COG6: variants seen among roughly 807,000 people sequenced by gnomAD.
COG6 encodes the protein conserved oligomeric Golgi complex subunit 6.
COG6 carries 74 observed loss-of-function variants against 88.8 expected under a neutral mutation model. The ratio of observed to expected loss-of-function variants is 0.83; its 90% CI spans 0.69 to 1.01. COG6 has a LOEUF of 1.01. Ranked by LOEUF, COG6 falls within the 50% of genes least tolerant of loss-of-function variation. The pLI is 0.00. For synonymous variants in COG6, 286 were observed against 278.7 expected, an observed-to-expected ratio of 1.03 and a Z score of -0.26; for missense variants, 800 against 797.9, an observed-to-expected ratio of 1.00 and a Z score of -0.03.
At position 39,760,256 on chromosome 13, in the gene COG6, G is replaced by A. The variant is rs556011596; in HGVS notation, c.1827-28079G>A. ...AGCTGGCCATTGTTGTGCTAGCTGG[G>A]CCTCCAGTGGAATGTAAAATGATAA... On this transcript the variant is annotated intron_variant, in intron 18 of 18. Transcript: ENST00000416691. Among the ~76,000 whole-genome samples, 11 of 152,190 alleles carry A rather than the reference G, an allele frequency of 7.2e-5. No individual in the cohort carries two copies. The South Asian group carries it at 2.3e-3, about 32-fold the overall frequency.
chr13:39,663,140 T>C lies in COG6; in HGVS notation c.370-1956T>C, dbSNP rs563136633. Among the ~76,000 whole-genome samples, 757 of 152,050 alleles carry C rather than the reference T, an allele frequency of 5.0e-3. 3 individuals carry two copies. Among genetic ancestry groups the C allele is most frequent in the Non-Finnish European group, 8.6e-3 (587 of 67,930 alleles). ...TTTATTATTAACTCAAAAATAATCA[T>C]CTTTAACATTTAAGATAAATGGAGA... On this transcript the variant is annotated intron_variant, in intron 3 of 18. Coordinates refer to ENST00000455146, the MANE Select transcript of COG6 (RefSeq NM_020751.3).
rs1593452370 is a variant in COG6, at chr13:39,723,416, T to C, written c.1668T>C (p.Thr556=). Residue 556 remains threonine (T), a synonymous_variant, in exon 16 of 19, where the codon ACT becomes ACC. Transcript: ENST00000455146. Reference sequence around the variant, plus strand: ...TAGGCTTGAGTTACATCTATAACACTGTACAGCAACATAAACCTGAACAGG... The same window carrying C: ...TAGGCTTGAGTTACATCTATAACACCGTACAGCAACATAAACCTGAACAGG... ...TRVGLSYIYN[T]VQQHKPEQGS... is the part of the protein sequence containing the mutation. 3.7e-6 allele frequency: 6 copies of C among 1,604,842 alleles called. No homozygotes were observed. Among genetic ancestry groups the C allele is most frequent in the Non-Finnish European group, 5.1e-6 (6 of 1,171,886 alleles).
intron 16 of COG6, 48 bp from the exon 17 acceptor site, chr13:39,724,460 T>C: frequency 7.2e-7 from 1 of 1,389,710 alleles, no homozygotes; most frequent in Non-Finnish European, 1.0e-6. Flanking sequence ...AATGTATATC[T>C]CCTTTTTTAC....
intron 18 of COG6, among the ~76,000 whole-genome samples, chr13:39,777,624 A>G (rs1437333410): frequency 6.6e-6 from 1 of 152,198 alleles, no homozygotes; most frequent in Admixed American, 6.5e-5. Context: ...AGAGACTGGC[A>G]TCTTTCCTGG....
chr13:39,733,472 A>ATTTTG (rs1879568961), intron 18 of COG6, among the ~76,000 whole-genome samples: 1 of 152,042 alleles, frequency 6.6e-6, no homozygotes, highest in South Asian at 2.1e-4. Context: ...TACAGGTGTG[A>ATTTTG]GCCACTGTGC....
downstream of COG6, among the ~76,000 whole-genome samples, chr13:39,753,185 A>G (rs1196403150): frequency 2.0e-5 from 3 of 152,160 alleles, no homozygotes; most frequent in Non-Finnish European, 4.4e-5. Context: ...AGAGGTGATT[A>G]GATTGTCAGG....
In COG6 at chr13:39,724,509, G is replaced by A. The variant is rs746357800; in HGVS notation, c.1694G>A (p.Gly565Asp). 3.2e-6 allele frequency: 5 copies of A among 1,548,354 alleles called. No homozygotes were observed. The South Asian group carries it at 4.6e-5, about 14-fold the overall frequency. Reference protein sequence around the residue: ...NTVQQHKPEQGSLANMPNLDS... With the variant: ...NTVQQHKPEQDSLANMPNLDS... The stretch of plus-strand genomic sequence containing the variant: ...TTTTTTTTTTTTTTTTTTAAATAGG[G>A]CTCTTTAGCTAATATGCCCAACCTA... The change falls in exon 17 of 19, where the codon GGC (glycine) becomes GAC (aspartate). Residue 565 changes from glycine (G) to aspartate (D), a missense_variant and splice_region_variant. Gly to Asp is a moderately conservative substitution (Grantham distance 94, BLOSUM62 -1). Coordinates refer to ENST00000455146, the MANE Select transcript of COG6 (RefSeq NM_020751.3).
At chr13:39,785,070 A>G (rs995320526) in intron 18 of COG6, among the ~76,000 whole-genome samples, 5 of 152,224 alleles carry the variant, frequency 3.3e-5, no homozygotes, top group African/African-American at 1.2e-4. Flanking sequence ...CCTTGTGGCT[A>G]TGGCATAGTC....
intron 18 of COG6, among the ~76,000 whole-genome samples, chr13:39,765,927 T>C (rs1348344015): frequency 6.6e-6 from 1 of 152,220 alleles, no homozygotes; most frequent in African/African-American, 2.4e-5. Flanking sequence ...GCCAAAACCA[T>C]TAAGGCTCAA....
At chr13:39,774,920 G>A (rs1167924088) in intron 18 of COG6, among the ~76,000 whole-genome samples, 1 of 152,134 alleles carries the variant, frequency 6.6e-6, no homozygotes, top group East Asian at 1.9e-4. Context: ...CAAAATCAGT[G>A]TGATTGTATT....
At chr13:39,719,107 A>G (rs1878699307) in intron 13 of COG6, 129 bp from the exon 14 acceptor site, 2 of 857,070 alleles carry the variant, frequency 2.3e-6, no homozygotes, top group Admixed American at 2.0e-5. Flanking sequence ...CTATTGATAA[A>G]TTATAGGTTT....
At chr13:39,737,588 C>T (rs1055953076) in intron 18 of COG6, among the ~76,000 whole-genome samples, 35 of 150,740 alleles carry the variant, frequency 2.3e-4, no homozygotes, top group African/African-American at 7.8e-4. Flanking sequence ...GGAGTCTTAC[C>T]CGGAGCTACA....
intron 4 of COG6, among the ~76,000 whole-genome samples, chr13:39,666,839 T>C (rs552652622): frequency 6.6e-5 from 10 of 152,344 alleles, no homozygotes; most frequent in African/African-American, 2.2e-4. Context: ...CAAAATAAAA[T>C]ATATGTACCA....
At chr13:39,656,805 C>G (rs766555524) in intron 1 of COG6, 1 of 455,818 alleles carries the variant, frequency 2.2e-6, no homozygotes, top group South Asian at 1.5e-5. Context: ...AGTCCCTTCA[C>G]TAATCTCAGC....
chr13:39,713,146 C>T (rs182142028), intron 13 of COG6, among the ~76,000 whole-genome samples: 119 of 152,304 alleles, frequency 7.8e-4, no homozygotes, highest in African/African-American at 2.8e-3. Flanking sequence ...CTGATGCTGA[C>T]TGGTTTCCAA....
At chr13:39,729,939 C>T (rs1179208955) in intron 18 of COG6, among the ~76,000 whole-genome samples, 4 of 152,066 alleles carry the variant, frequency 2.6e-5, no homozygotes, top group African/African-American at 4.8e-5. Context: ...TGGATCTATT[C>T]GAGTCGTTTG....
At chr13:39,787,830 C>T (rs981702654) in intron 18 of COG6, among the ~76,000 whole-genome samples, 1 of 152,030 alleles carries the variant, frequency 6.6e-6, no homozygotes, top group East Asian at 1.9e-4. Flanking sequence ...TTAAAGTATT[C>T]GGGAAGATGT....
chr13:39,777,135 G>A (rs908336469), intron 18 of COG6, among the ~76,000 whole-genome samples: 3 of 152,140 alleles, frequency 2.0e-5, no homozygotes, highest in Admixed American at 1.3e-4. Flanking sequence ...ACACTGAGAA[G>A]GCAAGGTTAA....
chr13:39,733,070 CAAAAA>C (rs991124914), intron 18 of COG6, among the ~76,000 whole-genome samples: 1 of 134,510 alleles, frequency 7.4e-6, no homozygotes, highest in African/African-American at 2.8e-5. Context: ...AATGATCGAT[CAAAAA>C]AAAAAGTGTC....
Sources: gnomAD v4.1 joint callset for allele counts (sites outside exome capture counted in the v4.1 genomes callset) on GRCh38, gnomAD v4.1.1 for gene constraint, MANE v1.5 for transcripts, NCBI Gene and HGNC (gene_info 2026-07-23, HGNC 2026-07-21) for gene names.